Variants in GRM1 observed in about 807,000 individuals in gnomAD.
GRM1 encodes metabotropic glutamate receptor 1.
In GRM1, 33 loss-of-function variants were observed where a neutral mutation model predicts 90.9. That is an observed-to-expected ratio of 0.36 (90% CI 0.28 to 0.49). The LOEUF is 0.49. Ranked by LOEUF, GRM1 falls within the 20% of genes least tolerant of loss-of-function variation. The pLI is 0.99. For synonymous variants in GRM1, 700 were observed against 613.2 expected, an observed-to-expected ratio of 1.14 and a Z score of -2.09; for missense variants, 1,190 against 1,534.3, an observed-to-expected ratio of 0.78 and a Z score of 3.75.
chr6:146,145,843 G>A (rs1777073968), intron 1 of GRM1, among the ~76,000 whole-genome samples: 1 of 152,138 alleles, frequency 6.6e-6, no homozygotes. Context: ...AGTGTGCAGT[G>A]CCAGTCTGGG....
intron 2 of GRM1, among the ~76,000 whole-genome samples, chr6:146,198,466 G>T (rs1382150499): frequency 6.6e-6 from 1 of 152,144 alleles, no homozygotes; most frequent in East Asian, 1.9e-4. Flanking sequence ...AAGTCTCAGT[G>T]GTTGCTACTT....
chr6:146,143,178 A>G (rs1015463535), intron 1 of GRM1, among the ~76,000 whole-genome samples: 5 of 152,180 alleles, frequency 3.3e-5, no homozygotes, highest in Non-Finnish European at 5.9e-5. Context: ...TAAATTCACT[A>G]CATTTACTTC....
At chr6:146,356,911 G>A (rs3819840) in intron 4 of GRM1, among the ~76,000 whole-genome samples, 30,144 of 151,852 alleles carry the variant, frequency 0.2, 3,295 homozygotes, top group Middle Eastern at 0.27. Flanking sequence ...GTAGTGTTCC[G>A]GCATTTCAAA....
chr6:146,332,499 G>A (rs987777962), intron 3 of GRM1, among the ~76,000 whole-genome samples: 1 of 152,178 alleles, frequency 6.6e-6, no homozygotes, highest in Non-Finnish European at 1.5e-5. Context: ...GGCAACAATG[G>A]ACGCAGTCCC....
intron 1 of GRM1, among the ~76,000 whole-genome samples, chr6:146,061,368 G>A (rs1775662291): frequency 6.6e-6 from 1 of 152,108 alleles, no homozygotes. Flanking sequence ...TTGTAAAAAT[G>A]CAATATCTGT....
chr6:146,375,472 G>A (rs1476005973), intron 5 of GRM1, among the ~76,000 whole-genome samples: 1 of 151,944 alleles, frequency 6.6e-6, no homozygotes, highest in Admixed American at 6.6e-5. Flanking sequence ...TGAAAGATCT[G>A]TCTAATGCTG....
At chr6:146,080,873 G>A (rs186747375) in intron 1 of GRM1, among the ~76,000 whole-genome samples, 1 of 152,322 alleles carries the variant, frequency 6.6e-6, no homozygotes, top group Non-Finnish European at 1.5e-5. Context: ...GCACATGGCT[G>A]TGCATGTGCC....
At chr6:146,238,140 G>A (rs1780718314) in intron 2 of GRM1, among the ~76,000 whole-genome samples, 1 of 152,062 alleles carries the variant, frequency 6.6e-6, no homozygotes, top group African/African-American at 2.4e-5. Flanking sequence ...CAAGCAAAAC[G>A]AAAAACACAA....
chr6:146,183,962 G>A (rs1401158625), intron 2 of GRM1, among the ~76,000 whole-genome samples: 1 of 152,170 alleles, frequency 6.6e-6, no homozygotes, highest in Non-Finnish European at 1.5e-5. Flanking sequence ...CACTTAGTCT[G>A]TAAATCACAC....
At chr6:146,358,281 A>T (rs1337477433) in intron 5 of GRM1, among the ~76,000 whole-genome samples, 1 of 152,190 alleles carries the variant, frequency 6.6e-6, no homozygotes, top group Non-Finnish European at 1.5e-5. Context: ...TATATATAGA[A>T]AATGACAACA....
rs80083777 is a variant in GRM1 at position 146,256,818 on chromosome 6, G to A, written c.951-47793G>A. On this transcript the variant is annotated intron_variant, in intron 2 of 7. Coordinates refer to ENST00000282753, the MANE Select transcript of GRM1 (RefSeq NM_001278064.2). ...CTTGTCATCTTCCTAAAGTCCTCAC[G>A]AAATTGTTTCCTTTACAACCAGAAA... Among the ~76,000 whole-genome samples, 111 of 152,186 alleles carry A rather than the reference G, an allele frequency of 7.3e-4. No individual in the cohort carries two copies. The East Asian group carries it at 0.017, about 24-fold the overall frequency.
At chr6:146,210,746 A>G (rs1779661004) in intron 2 of GRM1, among the ~76,000 whole-genome samples, 1 of 152,126 alleles carries the variant, frequency 6.6e-6, no homozygotes, top group Non-Finnish European at 1.5e-5. Context: ...TTCATTTACA[A>G]ATTCTTTATT....
At chr6:146,059,694 AC>A (rs1775598067) in intron 1 of GRM1, among the ~76,000 whole-genome samples, 1 of 152,168 alleles carries the variant, frequency 6.6e-6, no homozygotes, top group African/African-American at 2.4e-5. Context: ...TAAAGTAGTC[AC>A]TTTCATCAAT....
chr6:146,349,365 G>C (rs1785309524), intron 3 of GRM1, among the ~76,000 whole-genome samples: 1 of 151,922 alleles, frequency 6.6e-6, no homozygotes, highest in Non-Finnish European at 1.5e-5. Context: ...ACAGGCGTGA[G>C]CCACCACGCC....
At chr6:146,228,625 G>C (rs1780335928) in intron 2 of GRM1, among the ~76,000 whole-genome samples, 1 of 152,068 alleles carries the variant, frequency 6.6e-6, no homozygotes, top group African/African-American at 2.4e-5. Flanking sequence ...TAACTCTGAA[G>C]GATATAACTC....
At chr6:146,387,083 A>G in intron 6 of GRM1, 67 bp downstream of exon 6, 3 of 1,426,748 alleles carry the variant, frequency 2.1e-6, no homozygotes, top group East Asian at 2.3e-5. Context: ...CCATCCCTCA[A>G]ATGAGAATGA....
At chr6:146,187,110 C>T (rs1408166362) in intron 2 of GRM1, among the ~76,000 whole-genome samples, 2 of 152,148 alleles carry the variant, frequency 1.3e-5, no homozygotes, top group African/African-American at 4.8e-5. Flanking sequence ...TACCCTGCTT[C>T]TTTTAATTTT....
intron 6 of GRM1, among the ~76,000 whole-genome samples, chr6:146,389,495 G>T (rs1022770716): frequency 6.6e-6 from 1 of 152,022 alleles, no homozygotes; most frequent in Non-Finnish European, 1.5e-5. Context: ...GCTCTATTGT[G>T]GGATTATTGC....
chr6:146,255,428 T>A (rs890203336), intron 2 of GRM1, among the ~76,000 whole-genome samples: 1 of 152,170 alleles, frequency 6.6e-6, no homozygotes. Context: ...CCTATCCCAT[T>A]TCCTAGGAGA....
Sources: gnomAD v4.1 joint callset for allele counts (sites outside exome capture counted in the v4.1 genomes callset) on GRCh38, gnomAD v4.1.1 for gene constraint, MANE v1.5 for transcripts, NCBI Gene and HGNC (gene_info 2026-07-23, HGNC 2026-07-21) for gene names.